Variants in SMIM15 observed in about 807,000 individuals in gnomAD.
SMIM15 encodes UPF0542 protein C5orf43.
In SMIM15, 5 loss-of-function variants were observed where a neutral mutation model predicts 6.8. That is an observed-to-expected ratio of 0.74 (90% CI 0.39 to 1.56). SMIM15 has a LOEUF of 1.56. SMIM15 is among the 40% of genes most tolerant of loss of function. SMIM15 has a pLI of 0.03. For synonymous variants in SMIM15, 30 were observed against 30.8 expected, an observed-to-expected ratio of 0.97 and a Z score of 0.09; for missense variants, 81 against 84.8, an observed-to-expected ratio of 0.96 and a Z score of 0.18.
rs1391682291 is a variant in SMIM15 at position 61,158,074 on chromosome 5, A to C, written c.*1873T>G. Reference sequence around the variant, plus strand: ...TAGAAAGGCTCTCTAAATGATGGAAAAAAGTGGAAAAAAAAAGCATATGTC... The same window carrying C: ...TAGAAAGGCTCTCTAAATGATGGAACAAAGTGGAAAAAAAAAGCATATGTC... On this transcript the variant is annotated 3_prime_UTR_variant, in exon 3 of 3. Transcript: ENST00000339020. 3 of 152,036 alleles carry C rather than the reference A, an allele frequency of 2.0e-5. No individual in the cohort carries two copies. The East Asian group carries it at 5.8e-4, about 29-fold the overall frequency. 9.4% of individuals were successfully genotyped at this position (152,036 alleles called of 1,614,324 possible).
Position 61,160,198 on chromosome 5 carries a change from G to T in SMIM15, c.-27C>A. 1.9e-6 allele frequency: 3 copies of T among 1,599,096 alleles called. No individual in the cohort carries two copies. The highest frequency in any genetic ancestry group is 2.6e-6 in the Non-Finnish European group (3 of 1,170,786). On this transcript the variant is annotated splice_region_variant and 5_prime_UTR_variant, in exon 3 of 3. Coordinates refer to ENST00000339020, the MANE Select transcript of SMIM15 (RefSeq NM_001048249.4). ...TTCACAGCAGTCTTATGAAAACTGGGGCTGGGGGAGGCGGGTGGAGAACAC... is the reference window on the plus strand; with the variant it reads ...TTCACAGCAGTCTTATGAAAACTGGTGCTGGGGGAGGCGGGTGGAGAACAC...
rs75150417 is a variant in SMIM15 at position 61,158,573 on chromosome 5, C to T, written c.*1374G>A. On this transcript the variant is annotated 3_prime_UTR_variant, in exon 3 of 3. Transcript: ENST00000339020. ...AATGTAACTTAAAATGTTAGTTCCT[C>T]CAAAAAAAAAAAAAAAATCCAGGAC... is the stretch of plus-strand genomic sequence containing the variant. The T allele has an allele frequency of 1.2e-5, 1 of 84,032 alleles. No individual in the cohort carries two copies. Among genetic ancestry groups the T allele is most frequent in the Non-Finnish European group, 2.6e-5 (1 of 38,376 alleles). 5.2% of individuals were successfully genotyped at this position (84,032 alleles called of 1,614,324 possible).
rs1268029204 is a variant in SMIM15 at position 61,161,163 on chromosome 5, G to C, written c.-104C>G. ...CCAATCACGACTTCAGATGACCCTTGGTAGTCTGTCTTCTTGAGTTCTACT... is the reference window on the plus strand; with the variant it reads ...CCAATCACGACTTCAGATGACCCTTCGTAGTCTGTCTTCTTGAGTTCTACT... On this transcript the variant is annotated 5_prime_UTR_variant, in exon 2 of 3. Transcript: ENST00000339020. 2 of 152,112 alleles carry C rather than the reference G, an allele frequency of 1.3e-5. No individual in the cohort carries two copies. The highest frequency in any genetic ancestry group is 4.8e-5 in the African/African-American group (2 of 41,410). The allele number at this position is 152,112 out of a possible 1,614,324, so 9.4% of individuals were successfully genotyped here. A position where few individuals can be genotyped will look rare whatever the true frequency, so the allele number is the denominator to read the frequency against.
chr5:61,160,069 G>A lies in SMIM15; in HGVS notation c.103C>T (p.Leu35=), dbSNP rs61743654. The change falls in exon 3 of 3, where the codon CTA becomes TTA. Residue 35 remains leucine (L), a synonymous_variant. Coordinates refer to ENST00000339020, the MANE Select transcript of SMIM15 (RefSeq NM_001048249.4). ...TTCCAAGACAGTACAGCACTTGCTA[G>A]GAACAGTGGAGTAAGGGCCAAAATA... is the stretch of plus-strand genomic sequence containing the variant. ...TVILALTPLF[L]ASAVLSWKLA... 2,556 of 1,614,072 alleles carry A rather than the reference G, an allele frequency of 1.6e-3. 39 individuals carry two copies. In the African/African-American group the frequency reaches 0.03, roughly 19 times the overall value.
Position 61,159,888 on chromosome 5 carries a change from T to G in SMIM15, c.*59A>C, listed in dbSNP as rs1741382804. ...CAAAGAAGAAACTTTAGTGGATTCTTCCAAAGCTGTGTAATTTTCCAAATG... is the reference window on the plus strand; with the variant it reads ...CAAAGAAGAAACTTTAGTGGATTCTGCCAAAGCTGTGTAATTTTCCAAATG... On this transcript the variant is annotated 3_prime_UTR_variant, in exon 3 of 3. Coordinates refer to ENST00000339020, the MANE Select transcript of SMIM15 (RefSeq NM_001048249.4). The G allele has an allele frequency of 6.3e-7, 1 of 1,579,368 alleles. No homozygotes were observed. The highest frequency in any genetic ancestry group is 1.7e-5 in the Admixed American group (1 of 58,730).
chr5:61,158,014 C>T lies in SMIM15; in HGVS notation c.*1933G>A, dbSNP rs538466209. ...TTACACACACACACACACACACACA[C>T]ACACACACACTGTAAAGTATGAATC... On this transcript the variant is annotated 3_prime_UTR_variant, in exon 3 of 3. Transcript: ENST00000339020. The T allele has an allele frequency of 6.6e-6, 1 of 151,922 alleles. No homozygotes were observed. The highest frequency in any genetic ancestry group is 2.4e-5 in the African/African-American group (1 of 41,362). 9.4% of individuals were successfully genotyped at this position (151,922 alleles called of 1,614,324 possible).
In SMIM15 at chr5:61,159,984, T is replaced by A; in HGVS notation, c.188A>T (p.Glu63Val). The change falls in exon 3 of 3, where the codon GAA becomes GTA. Residue 63 changes from glutamate to valine, a missense_variant. Transcript: ENST00000339020. ...TAGTCGTTTAGCTTTTGCAATGTTT[T>A]CTTGGCGTTTTTGCTTCTTCTTTTG... ...KEQKKKQKRQ[E>V]NIAKAKRLKK... is the part of the protein sequence containing the mutation. The A allele has an allele frequency of 6.2e-7, 1 of 1,613,590 alleles. No individual in the cohort carries two copies. Among genetic ancestry groups the A allele is most frequent in the Non-Finnish European group, 8.5e-7 (1 of 1,180,042 alleles).
Position 61,158,012 on chromosome 5 carries a change from C to CACACACAT in SMIM15, c.*1934_*1935insATGTGTGT, listed in dbSNP as rs1741352544. On this transcript the variant is annotated 3_prime_UTR_variant, in exon 3 of 3. Transcript: ENST00000339020. ...CCTTACACACACACACACACACACA[C>CACACACAT]ACACACACACACTGTAAAGTATGAA... 1 of 151,742 alleles carries CACACACAT rather than the reference C, an allele frequency of 6.6e-6. No individual in the cohort carries two copies. The highest frequency in any genetic ancestry group is 6.6e-5 in the Admixed American group (1 of 15,164). 9.4% of individuals were successfully genotyped at this position (151,742 alleles called of 1,614,324 possible). A position where few individuals can be genotyped will look rare whatever the true frequency, so the allele number is the denominator to read the frequency against.
chr5:61,160,846 A>G (rs998463790), intron 2 of SMIM15, among the ~76,000 whole-genome samples: 1 of 152,204 alleles, frequency 6.6e-6, no homozygotes, highest in Non-Finnish European at 1.5e-5. Flanking sequence ...TTAATAAATG[A>G]GAAAGTAGCC....
In SMIM15 at chr5:61,158,086, A is replaced by C. The variant is rs1276559659; in HGVS notation, c.*1861T>G. ...CTAAATGATGGAAAAAAGTGGAAAA[A>C]AAAAGCATATGTCAAACAAATACAA... On this transcript the variant is annotated 3_prime_UTR_variant, in exon 3 of 3. Transcript: ENST00000339020. The C allele has an allele frequency of 6.6e-6, 1 of 152,070 alleles. No homozygotes were observed. Among genetic ancestry groups the C allele is most frequent in the African/African-American group, 2.4e-5 (1 of 41,390 alleles). The allele number at this position is 152,070 out of a possible 1,614,324, so 9.4% of individuals were successfully genotyped here.
chr5:61,161,711 AAATTAT>A (rs1358134249), intron 1 of SMIM15, among the ~76,000 whole-genome samples: 1 of 152,178 alleles, frequency 6.6e-6, no homozygotes, highest in African/African-American at 2.4e-5. Flanking sequence ...ATAACCAAAC[AAATTAT>A]AGTAATTCAC....
rs896277800 is a variant in SMIM15, at chr5:61,162,026, C to A, written c.-169+191G>T. ...TGCAACTCAACTTCGGACCCAAACG[C>A]TCGCGCCTCCACACTTTCAGGAATA... is the stretch of plus-strand genomic sequence containing the variant. On this transcript the variant is annotated intron_variant, in intron 1 of 2. Transcript: ENST00000339020. This position sits in a 1 kb window ranked among gnomAD's most constrained non-coding sequence, Gnocchi z 4.4. 1 of 152,370 alleles carries A rather than the reference C, an allele frequency of 6.6e-6. No individual in the cohort carries two copies. The allele number at this position is 152,370 out of a possible 1,614,324, so 9.4% of individuals were successfully genotyped here. A position where few individuals can be genotyped will look rare whatever the true frequency, so the allele number is the denominator to read the frequency against.
chr5:61,159,855 A>G lies in SMIM15; in HGVS notation c.*92T>C. On this transcript the variant is annotated 3_prime_UTR_variant, in exon 3 of 3. Transcript: ENST00000339020. ...ATTTCATTTACTAAATCATACTGTC[A>G]AGAAATCCAAAGAAGAAACTTTAGT... The G allele has an allele frequency of 7.2e-7, 1 of 1,394,332 alleles. No individual in the cohort carries two copies. Among genetic ancestry groups the G allele is most frequent in the South Asian group, 1.3e-5 (1 of 76,410 alleles). The allele number at this position is 1,394,332 out of a possible 1,614,324, so 86.4% of individuals were successfully genotyped here.
In SMIM15 at chr5:61,159,834, C is replaced by T; in HGVS notation, c.*113G>A. The T allele has an allele frequency of 8.3e-7, 1 of 1,211,978 alleles. No homozygotes were observed. The highest frequency in any genetic ancestry group is 1.1e-6 in the Non-Finnish European group (1 of 875,972). 75.1% of individuals were successfully genotyped at this position (1,211,978 alleles called of 1,614,324 possible). A position where few individuals can be genotyped will look rare whatever the true frequency, so the allele number is the denominator to read the frequency against. ...ATGATTCTTCCATTTGGTCAAATTTCATTTACTAAATCATACTGTCAAGAA... is the reference window on the plus strand; with the variant it reads ...ATGATTCTTCCATTTGGTCAAATTTTATTTACTAAATCATACTGTCAAGAA... On this transcript the variant is annotated 3_prime_UTR_variant, in exon 3 of 3. Coordinates refer to ENST00000339020, the MANE Select transcript of SMIM15 (RefSeq NM_001048249.4).
At position 61,158,964 on chromosome 5, in the gene SMIM15, T is replaced by TA. The variant is rs1235693459; in HGVS notation, c.*982dup. 1.3e-5 allele frequency: 2 copies of TA among 152,344 alleles called. No homozygotes were observed. Among genetic ancestry groups the TA allele is most frequent in the Admixed American group, 1.3e-4 (2 of 15,302 alleles). 9.4% of individuals were successfully genotyped at this position (152,344 alleles called of 1,614,324 possible). On this transcript the variant is annotated 3_prime_UTR_variant, in exon 3 of 3. Transcript: ENST00000339020. ...CACTTATGAAGTATGGCGTAACTGT[T>TA]ACACTTTAAGAGTTCTTTAAAAGAA...
chr5:61,161,040 A>T (rs1741408557), intron 2 of SMIM15, 48 bp downstream of exon 2: 1 of 152,180 alleles, frequency 6.6e-6, no homozygotes, highest in Admixed American at 6.5e-5. Context: ...GAGTGTATAT[A>T]CATCCACTTA....
At position 61,160,175 on chromosome 5, in the gene SMIM15, C is replaced by T; in HGVS notation, c.-4G>A. ...CCCAAGCCTTTATATCAAACATCTT[C>T]ACAGCAGTCTTATGAAAACTGGGGC... is the stretch of plus-strand genomic sequence containing the variant. On this transcript the variant is annotated 5_prime_UTR_variant, in exon 3 of 3. Coordinates refer to ENST00000339020, the MANE Select transcript of SMIM15 (RefSeq NM_001048249.4). 6.2e-7 allele frequency: 1 copy of T among 1,612,652 alleles called. No individual in the cohort carries two copies.
Position 61,160,163 on chromosome 5 carries a change from AT to A in SMIM15, c.8del (p.Asp3ValfsTer2), listed in dbSNP as rs1192852206. ...CAACATACTCAGCCCAAGCCTTTAT[AT>A]CAAACATCTTCACAGCAGTCTTATG... MF[D>X]IKAWAEYVVE... is the part of the protein sequence containing the mutation. On this transcript the variant is annotated frameshift_variant, in exon 3 of 3. Coordinates refer to ENST00000339020, the MANE Select transcript of SMIM15 (RefSeq NM_001048249.4). LOFTEE classifies it high-confidence loss of function. The A allele has an allele frequency of 6.2e-7, 1 of 1,613,510 alleles. No individual in the cohort carries two copies. Among genetic ancestry groups the A allele is most frequent in the African/African-American group, 1.3e-5 (1 of 74,906 alleles).
rs1269920569 is a variant in SMIM15, at chr5:61,159,289, G to C, written c.*658C>G. Reference sequence around the variant, plus strand: ...AGTACAAAAATTGTTCTGTCCAGTAGGTGGTATTCTACATAGTCGAGATAA... The same window carrying C: ...AGTACAAAAATTGTTCTGTCCAGTACGTGGTATTCTACATAGTCGAGATAA... On this transcript the variant is annotated 3_prime_UTR_variant, in exon 3 of 3. Coordinates refer to ENST00000339020, the MANE Select transcript of SMIM15 (RefSeq NM_001048249.4). 2 of 152,840 alleles carry C rather than the reference G, an allele frequency of 1.3e-5. No individual in the cohort carries two copies. Among genetic ancestry groups the C allele is most frequent in the African/African-American group, 4.8e-5 (2 of 41,410 alleles). 9.5% of individuals were successfully genotyped at this position (152,840 alleles called of 1,614,324 possible). A position where few individuals can be genotyped will look rare whatever the true frequency, so the allele number is the denominator to read the frequency against.
Sources: gnomAD v4.1 joint callset for allele counts (sites outside exome capture counted in the v4.1 genomes callset) on GRCh38, gnomAD v4.1.1 for gene constraint, Gnocchi (gnomAD v3.1) non-coding constraint, MANE v1.5 for transcripts, NCBI Gene and HGNC (gene_info 2026-07-23, HGNC 2026-07-21) for gene names.